Variants in SORCS1 observed in about 807,000 individuals in gnomAD.
SORCS1 encodes VPS10 domain-containing receptor SorCS1.
SORCS1 carries 60 observed loss-of-function variants against 146.1 expected under a neutral mutation model. The observed-to-expected ratio is 0.41, with a 90% CI of 0.33 to 0.51. SORCS1 has a LOEUF of 0.51. SORCS1 is among the 20% of genes least tolerant of loss of function. SORCS1 has a pLI of 0.21. For synonymous variants in SORCS1, 637 were observed against 584.0 expected (o/e 1.09, Z -1.31); for missense variants, 1,352 against 1,487.6 (o/e 0.91, Z 1.50).
intron 2 of SORCS1, among the ~76,000 whole-genome samples, chr10:106,876,491 T>C (rs963409352): frequency 5.9e-5 from 9 of 152,242 alleles, no homozygotes; most frequent in Middle Eastern, 3.4e-3. Context: ...GGAAGTGAAA[T>C]GAAAGCACAC....
intron 18 of SORCS1, among the ~76,000 whole-genome samples, chr10:106,639,005 G>A (rs770573413): frequency 2.0e-5 from 3 of 152,034 alleles, no homozygotes; most frequent in East Asian, 1.9e-4. Context: ...ATATTCTAAC[G>A]TCAATTTGAG....
chr10:106,824,727 GT>G (rs1948214016), intron 3 of SORCS1, among the ~76,000 whole-genome samples: 1 of 152,152 alleles, frequency 6.6e-6, no homozygotes. Flanking sequence ...ATATAATAGG[GT>G]AATTAAAACT....
chr10:107,104,104 T>C (rs185244112), intron 1 of SORCS1, among the ~76,000 whole-genome samples: 90 of 151,090 alleles, frequency 6.0e-4, no homozygotes, highest in Non-Finnish European at 1.1e-3. Context: ...ATTCAAGGAA[T>C]TGTACTGGAT....
At chr10:106,668,555 T>C (rs976376663) in intron 16 of SORCS1, among the ~76,000 whole-genome samples, 3 of 152,140 alleles carry the variant, frequency 2.0e-5, no homozygotes, top group Middle Eastern at 3.4e-3. Context: ...AAATTGCACC[T>C]CCACATGCAC....
chr10:106,994,414 C>T (rs181822737), intron 1 of SORCS1, among the ~76,000 whole-genome samples: 12 of 151,864 alleles, frequency 7.9e-5, no homozygotes, highest in East Asian at 3.9e-4. Flanking sequence ...CTAAGTAATC[C>T]GGGAATTAAA....
intron 1 of SORCS1, among the ~76,000 whole-genome samples, chr10:107,098,704 T>C (rs1398875002): frequency 6.6e-6 from 1 of 152,248 alleles, no homozygotes; most frequent in Non-Finnish European, 1.5e-5. Context: ...AATTAGTTCC[T>C]TGAAGATATT....
intron 1 of SORCS1, among the ~76,000 whole-genome samples, chr10:107,085,005 TTGA>T: frequency 6.6e-6 from 1 of 152,326 alleles, no homozygotes; most frequent in Admixed American, 6.5e-5. Context: ...GTGTCTGGTC[TTGA>T]TGAGCGTTCA....
intron 2 of SORCS1, among the ~76,000 whole-genome samples, chr10:106,940,198 C>T (rs1195565451): frequency 3.3e-5 from 5 of 152,162 alleles, no homozygotes; most frequent in African/African-American, 1.2e-4. Context: ...TAGATTAGAG[C>T]AAAACATGAC....
At chr10:106,693,114 C>T (rs1383718516) in intron 9 of SORCS1, among the ~76,000 whole-genome samples, 1 of 152,086 alleles carries the variant, frequency 6.6e-6, no homozygotes, top group Non-Finnish European at 1.5e-5. Context: ...CAATATATCT[C>T]ATTATATATA....
intron 2 of SORCS1, among the ~76,000 whole-genome samples, chr10:106,895,939 A>G (rs1003832778): frequency 4.4e-5 from 5 of 113,246 alleles, no homozygotes; most frequent in Admixed American, 2.4e-4. Context: ...ACATATATAT[A>G]TGTGTGTGTG....
chr10:106,721,931 C>A (rs1855807719), intron 6 of SORCS1, among the ~76,000 whole-genome samples: 1 of 152,044 alleles, frequency 6.6e-6, no homozygotes, highest in Non-Finnish European at 1.5e-5. Context: ...TATCAATTAA[C>A]CATGAAGTTG....
At chr10:107,146,438 C>T (rs562968704) in intron 1 of SORCS1, among the ~76,000 whole-genome samples, 15 of 152,200 alleles carry the variant, frequency 9.9e-5, no homozygotes, top group Non-Finnish European at 1.6e-4. Context: ...GTCTACTTCC[C>T]GAAAAGAATC....
chr10:106,818,815 G>A (rs1324875688), intron 3 of SORCS1, among the ~76,000 whole-genome samples: 1 of 152,174 alleles, frequency 6.6e-6, no homozygotes, highest in Non-Finnish European at 1.5e-5. Context: ...CCGAAAGACT[G>A]TTTTCATCTT....
At chr10:106,715,999 C>G (rs1312009080) in intron 6 of SORCS1, among the ~76,000 whole-genome samples, 3 of 152,158 alleles carry the variant, frequency 2.0e-5, no homozygotes, top group Non-Finnish European at 4.4e-5. Flanking sequence ...GATTCGTCTG[C>G]CTCAGCCTCC....
intron 1 of SORCS1, among the ~76,000 whole-genome samples, chr10:107,143,063 C>T (rs1205074044): frequency 6.6e-6 from 1 of 152,146 alleles, no homozygotes; most frequent in Non-Finnish European, 1.5e-5. Context: ...TGTGCACTGG[C>T]CCTGCCCTCT....
chr10:106,959,590 G>C (rs1037785325), intron 1 of SORCS1, among the ~76,000 whole-genome samples: 1 of 152,180 alleles, frequency 6.6e-6, no homozygotes, highest in Non-Finnish European at 1.5e-5. Context: ...GTGAAAAAAT[G>C]AAATTGCCTC....
At chr10:106,910,332 T>TATATAG (rs144106953) in intron 2 of SORCS1, among the ~76,000 whole-genome samples, 1 of 150,818 alleles carries the variant, frequency 6.6e-6, no homozygotes, top group African/African-American at 2.5e-5. Context: ...TATATATATA[T>TATATAG]AGAGAGTGAG....
intron 2 of SORCS1, among the ~76,000 whole-genome samples, chr10:106,889,019 T>A (rs1013431492): frequency 1.3e-5 from 2 of 152,170 alleles, no homozygotes; most frequent in African/African-American, 4.8e-5. Context: ...CAATAAACGC[T>A]TTTTTTCAAT....
chr10:106,796,976 G>A (rs939327345), intron 3 of SORCS1, among the ~76,000 whole-genome samples: 23 of 152,082 alleles, frequency 1.5e-4, no homozygotes, highest in African/African-American at 2.9e-4. Context: ...GCGTGGTGGC[G>A]GGTGCCTGTA....
Sources: gnomAD v4.1 joint callset for allele counts (sites outside exome capture counted in the v4.1 genomes callset) on GRCh38, gnomAD v4.1.1 for gene constraint, MANE v1.5 for transcripts, NCBI Gene and HGNC (gene_info 2026-07-23, HGNC 2026-07-21) for gene names.